Variants in TNRC6B observed in about 807,000 individuals in gnomAD.
The protein encoded by TNRC6B is trinucleotide repeat containing adaptor 6B, also known as trinucleotide repeat-containing gene 6B protein.
TNRC6B carries 52 observed loss-of-function variants against 203.6 expected under a neutral mutation model. That is an observed-to-expected ratio of 0.26 (90% CI 0.20 to 0.32). TNRC6B has a LOEUF of 0.32. TNRC6B is among the 10% of genes least tolerant of loss of function. The probability of loss-of-function intolerance (pLI) is 1.00; values close to 1 mark genes in which losing one functional copy is unlikely to be tolerated. For synonymous variants in TNRC6B, 838 were observed against 845.7 expected, an observed-to-expected ratio of 0.99 and a Z score of 0.16; for missense variants, 1,923 against 2,286.2, an observed-to-expected ratio of 0.84 and a Z score of 3.24.
chr22:40,201,103 A>C (rs1457454694), intron 1 of TNRC6B, among the ~76,000 whole-genome samples: 5 of 152,216 alleles, frequency 3.3e-5, no homozygotes, highest in Admixed American at 2.0e-4. Flanking sequence ...GGTAAATGGT[A>C]GCTCCCACTG....
upstream of TNRC6B, among the ~76,000 whole-genome samples, chr22:40,173,796 T>TATATATATATAA (rs1569007771): frequency 2.2e-5 from 1 of 45,612 alleles, no homozygotes; most frequent in Non-Finnish European, 3.8e-5. Flanking sequence ...TATATATATT[T>TATATATATATAA]TTTTTTTTTT....
At chr22:40,301,514 T>C in intron 15 of TNRC6B, 181 bp downstream of exon 15, 3 of 658,966 alleles carry the variant, frequency 4.6e-6, no homozygotes. Context: ...TTTCCAGAGC[T>C]CACCACATGG....
chr22:40,322,993 G>T lies in TNRC6B; in HGVS notation c.5254G>T (p.Gly1752Cys). ...PAAGWQSLET[G>C]QNQSDPVGPA... ...TGCGGGGTGGCAGTCGCTGGAGACC[G>T]GCCAGAACCAGTCAGATCCCGTGGG... The change falls in exon 23 of 23, where the codon GGC (glycine) becomes TGC (cysteine). Residue 1752 changes from glycine (G) to cysteine (C), a missense_variant. By Grantham distance (159) the Gly-to-Cys change is radical (BLOSUM62 -3). Around this residue, in one of 8 missense-constraint regions of TNRC6B, gnomAD observed 126 missense variants for 137.5 expected, o/e 0.92. Coordinates refer to ENST00000454349, the MANE Select transcript of TNRC6B (RefSeq NM_001162501.2). 1 of 1,609,524 alleles carries T rather than the reference G, an allele frequency of 6.2e-7. No homozygotes were observed. The highest frequency in any genetic ancestry group is 8.5e-7 in the Non-Finnish European group (1 of 1,177,792).
At chr22:40,146,255 A>G (rs369630607) in intron 3 of TNRC6B, among the ~76,000 whole-genome samples, 2 of 152,166 alleles carry the variant, frequency 1.3e-5, no homozygotes, top group East Asian at 3.9e-4. Context: ...CCTTTCAGGT[A>G]GTGATATGTG....
rs71321188 is a variant in TNRC6B, at chr22:40,273,427, T to C, written c.2968T>C (p.Ser990Pro). The C allele has an allele frequency of 1.9e-6, 3 of 1,600,876 alleles. No individual in the cohort carries two copies. The African/African-American group carries it at 4.0e-5, about 22-fold the overall frequency. ...ANAPNAMKPN[S>P]KSMQDGWGES... ...GTTAATTCATTCTTTCCTTAAAGAT[T>C]CCAAATCTATGCAAGACGGCTGGGG... Residue 990 changes from serine to proline, a missense_variant and splice_region_variant, in exon 7 of 23, where the codon TCC becomes CCC. Around this residue, in one of 8 missense-constraint regions of TNRC6B, gnomAD observed 599 missense variants for 656.5 expected, o/e 0.91. Coordinates refer to ENST00000454349, the MANE Select transcript of TNRC6B (RefSeq NM_001162501.2).
At chr22:40,088,928 T>C (rs1218114429) in intron 1 of TNRC6B, among the ~76,000 whole-genome samples, 1 of 152,124 alleles carries the variant, frequency 6.6e-6, no homozygotes, top group African/African-American at 2.4e-5. Context: ...TAAACCTCAC[T>C]AATTCGAACT....
intron 1 of TNRC6B, among the ~76,000 whole-genome samples, chr22:40,228,052 G>A (rs2069816147): frequency 6.6e-6 from 1 of 152,182 alleles, no homozygotes; most frequent in South Asian, 2.1e-4. Flanking sequence ...AGTGCTGACG[G>A]TAGAGTGCTG....
intron 3 of TNRC6B, among the ~76,000 whole-genome samples, chr22:40,130,275 T>G (rs1227603459): frequency 1.3e-5 from 2 of 152,150 alleles, no homozygotes; most frequent in African/African-American, 4.8e-5. Context: ...ATCCTGCTCT[T>G]CTGACTCTTG....
At chr22:40,060,895 C>G (rs566765463) in intron 1 of TNRC6B, among the ~76,000 whole-genome samples, 9 of 152,114 alleles carry the variant, frequency 5.9e-5, no homozygotes, top group Non-Finnish European at 1.2e-4. Flanking sequence ...ATTTCAGGCT[C>G]CCAGTAGGAA....
At chr22:40,290,095 G>C (rs1021371486) in intron 12 of TNRC6B, among the ~76,000 whole-genome samples, 1 of 152,234 alleles carries the variant, frequency 6.6e-6, no homozygotes, top group Non-Finnish European at 1.5e-5. Context: ...TCCCCACCCT[G>C]CCTCGGCTCA....
At chr22:40,074,639 C>T (rs529485464) in intron 1 of TNRC6B, among the ~76,000 whole-genome samples, 9 of 151,798 alleles carry the variant, frequency 5.9e-5, no homozygotes, top group Admixed American at 2.0e-4. Flanking sequence ...ATTAGCCAGG[C>T]GTGGTGGTGG....
intron 4 of TNRC6B, among the ~76,000 whole-genome samples, chr22:40,170,203 G>A (rs916606141): frequency 2.7e-5 from 4 of 147,930 alleles, no homozygotes; most frequent in African/African-American, 1.0e-4. Flanking sequence ...ACTTGAGCCT[G>A]AAAGGTTGAG....
At chr22:40,089,733 C>T (rs1282701593) in intron 1 of TNRC6B, among the ~76,000 whole-genome samples, 1 of 152,190 alleles carries the variant, frequency 6.6e-6, no homozygotes, top group East Asian at 1.9e-4. Context: ...CATTAGGGTC[C>T]GCTCTTGGTG....
intron 3 of TNRC6B, among the ~76,000 whole-genome samples, chr22:40,258,070 C>CTTTTTTTTTTTTTTTT (rs1569041014): frequency 1.7e-5 from 1 of 58,710 alleles, no homozygotes; most frequent in East Asian, 8.9e-4. Context: ...GGATACACAG[C>CTTTTTTTTTTTTTTTT]CTTTTTTTTT....
chr22:40,219,192 T>C (rs1484918159), intron 1 of TNRC6B, among the ~76,000 whole-genome samples: 2 of 152,262 alleles, frequency 1.3e-5, no homozygotes, highest in Non-Finnish European at 2.9e-5. Flanking sequence ...AGACAGGCTA[T>C]GTCTGGTTCA....
intron 1 of TNRC6B, among the ~76,000 whole-genome samples, chr22:40,053,612 C>G (rs2146264964): frequency 6.6e-6 from 1 of 152,320 alleles, no homozygotes. Context: ...TAATCTGTCT[C>G]TCCTGCTGGA....
Position 40,199,900 on chromosome 22 carries a change from G to A in TNRC6B, c.5+21760G>A, listed in dbSNP as rs111836324. Among the ~76,000 whole-genome samples, 52 of 152,104 alleles carry A rather than the reference G, an allele frequency of 3.4e-4. 2 individuals are homozygous for A. Among genetic ancestry groups the A allele is most frequent in the African/African-American group, 1.2e-3 (51 of 41,502 alleles). ...CAACCTCCGCCTTCTGGGTTCAAAC[G>A]ATTCTCATGATGCCTCATCCTCCCT... is the stretch of plus-strand genomic sequence containing the variant. On this transcript the variant is annotated intron_variant, in intron 1 of 22. Transcript: ENST00000454349.
At chr22:40,267,442 A>C (rs2146502711) in intron 5 of TNRC6B, among the ~76,000 whole-genome samples, 1 of 152,340 alleles carries the variant, frequency 6.6e-6, no homozygotes, top group South Asian at 2.1e-4. Context: ...TCCCCAGCAA[A>C]GGGAAATAAT....
intron 3 of TNRC6B, among the ~76,000 whole-genome samples, chr22:40,131,655 T>C (rs2068546148): frequency 6.6e-6 from 1 of 152,220 alleles, no homozygotes; most frequent in Non-Finnish European, 1.5e-5. Flanking sequence ...TTTGTTTTAA[T>C]TATTGGAGCT....
Sources: gnomAD v4.1 joint callset for allele counts (sites outside exome capture counted in the v4.1 genomes callset) on GRCh38, gnomAD v4.1.1 for gene constraint, gnomAD v4.1.1 regional missense constraint, MANE v1.5 for transcripts, NCBI Gene and HGNC (gene_info 2026-07-23, HGNC 2026-07-21) for gene names.